PALM2AKAP2: variants seen among roughly 807,000 people sequenced by gnomAD.
PALM2AKAP2 encodes PALM2-AKAP2 fusion protein.
PALM2AKAP2 carries 37 observed loss-of-function variants against 71.5 expected under a neutral mutation model. The ratio of observed to expected loss-of-function variants is 0.52; its 90% CI spans 0.40 to 0.68. The LOEUF (loss-of-function observed/expected upper bound fraction) is 0.68. Among genes scored for constraint, PALM2AKAP2 ranks in the 30% least tolerant of loss-of-function variants. The probability of loss-of-function intolerance (pLI) is 0.00; values close to 1 mark genes in which losing one functional copy is unlikely to be tolerated. For missense variants in PALM2AKAP2, 1,224 were observed against 1,191.8 expected, an observed-to-expected ratio of 1.03 and a Z score of -0.40; for synonymous variants, 468 against 478.8, an observed-to-expected ratio of 0.98 and a Z score of 0.29.
intron 1 of PALM2AKAP2, among the ~76,000 whole-genome samples, chr9:109,690,158 G>A (rs542647675): frequency 6.6e-6 from 1 of 152,280 alleles, no homozygotes; most frequent in Admixed American, 6.5e-5. Flanking sequence ...ACCAGCCACT[G>A]CTCACCAGCA....
At chr9:109,643,639 C>G (rs899051278) in intron 1 of PALM2AKAP2, among the ~76,000 whole-genome samples, 2 of 152,188 alleles carry the variant, frequency 1.3e-5, no homozygotes, top group African/African-American at 4.8e-5. Context: ...AAATTACTGC[C>G]TCAATTAGCC....
intron 6 of PALM2AKAP2, among the ~76,000 whole-genome samples, chr9:109,934,483 C>T (rs535496934): frequency 6.6e-6 from 1 of 152,280 alleles, no homozygotes; most frequent in East Asian, 1.9e-4. Flanking sequence ...CCAGTCTCTC[C>T]AGCTGGTATT....
At chr9:109,865,156 TG>T (rs1233515929) in intron 1 of PALM2AKAP2, among the ~76,000 whole-genome samples, 3 of 135,500 alleles carry the variant, frequency 2.2e-5, no homozygotes, top group Admixed American at 8.4e-5. Flanking sequence ...TGGAGTGCAG[TG>T]GTGTGATCTT....
At chr9:109,708,314 T>TA (rs140982185) in intron 1 of PALM2AKAP2, among the ~76,000 whole-genome samples, 4,455 of 152,208 alleles carry the variant, frequency 0.029, 197 homozygotes, top group African/African-American at 0.1. Flanking sequence ...TGGCTCAACT[T>TA]ACTATAGACA....
intron 3 of PALM2AKAP2, among the ~76,000 whole-genome samples, chr9:109,888,840 G>A (rs751316694): frequency 1.3e-5 from 2 of 152,016 alleles, no homozygotes; most frequent in Non-Finnish European, 2.9e-5. Context: ...GTGAGTGGCT[G>A]TCTTGAGTAT....
At position 109,835,689 on chromosome 9, in the gene PALM2AKAP2, C is replaced by T. The variant is rs554326906; in HGVS notation, c.46-31802C>T. 2.2e-4 allele frequency among the ~76,000 whole-genome samples: 34 copies of T among 152,290 alleles called. 1 individual carries two copies. The highest frequency in any genetic ancestry group is 1.9e-4 in the East Asian group (1 of 5,166). Reference sequence around the variant, plus strand: ...TCGGGTCACTCCCACCCTAATACTACGCTTTTCCAATGGTCTTAGCAAAAG... The same window carrying T: ...TCGGGTCACTCCCACCCTAATACTATGCTTTTCCAATGGTCTTAGCAAAAG... On this transcript the variant is annotated intron_variant, in intron 1 of 9. Coordinates refer to the PALM2AKAP2 transcript ENST00000302798.
intron 2 of PALM2AKAP2, among the ~76,000 whole-genome samples, chr9:109,870,574 A>C (rs566877903): frequency 6.6e-6 from 1 of 152,346 alleles, no homozygotes; most frequent in African/African-American, 2.4e-5. Flanking sequence ...TCTGTCTTAC[A>C]GCTATGGGAA....
chr9:110,102,337 T>C (rs1289707646), intron 1 of PALM2AKAP2, among the ~76,000 whole-genome samples: 1 of 152,232 alleles, frequency 6.6e-6, no homozygotes, highest in African/African-American at 2.4e-5. Context: ...ATGTAATGTG[T>C]TCAGAAATAA....
chr9:110,065,894 TA>T (rs1187271399), intron 1 of PALM2AKAP2, among the ~76,000 whole-genome samples: 2 of 152,172 alleles, frequency 1.3e-5, no homozygotes, highest in Non-Finnish European at 2.9e-5. Flanking sequence ...TTCCTTCCTT[TA>T]AAAAAATTGA....
At chr9:110,075,103 T>C (rs1191230819) in intron 1 of PALM2AKAP2, among the ~76,000 whole-genome samples, 2 of 152,240 alleles carry the variant, frequency 1.3e-5, no homozygotes, top group Non-Finnish European at 2.9e-5. Context: ...TTGTTGTCAA[T>C]TGACAATCTT....
intron 2 of PALM2AKAP2, among the ~76,000 whole-genome samples, chr9:109,879,725 C>G (rs1460996912): frequency 7.0e-6 from 1 of 142,734 alleles, no homozygotes; most frequent in Non-Finnish European, 1.5e-5. Flanking sequence ...TTGACAGGGT[C>G]TCGTTCTATC....
At chr9:110,033,461 T>C (rs1042317711) in intron 7 of PALM2AKAP2, among the ~76,000 whole-genome samples, 10 of 152,234 alleles carry the variant, frequency 6.6e-5, no homozygotes, top group Admixed American at 2.0e-4. Flanking sequence ...GGCTAGGCAC[T>C]GTGTTAAACA....
chr9:109,785,527 G>A (rs1317004457), intron 1 of PALM2AKAP2, among the ~76,000 whole-genome samples: 2 of 152,168 alleles, frequency 1.3e-5, no homozygotes, highest in Admixed American at 6.5e-5. Context: ...AGGAAAAAGA[G>A]GTTTAATGGA....
chr9:109,757,083 G>A (rs532972208), intron 1 of PALM2AKAP2, among the ~76,000 whole-genome samples: 22 of 152,034 alleles, frequency 1.4e-4, no homozygotes, highest in Admixed American at 6.6e-4. Flanking sequence ...GTATGTTTGC[G>A]CCTATTCGCC....
intron 2 of PALM2AKAP2, among the ~76,000 whole-genome samples, chr9:110,152,273 T>A (rs757300203): frequency 7.2e-5 from 11 of 152,026 alleles, no homozygotes; most frequent in Non-Finnish European, 1.3e-4. Context: ...GAGTGTTCAG[T>A]GCAGGTGAGG....
In PALM2AKAP2 at chr9:110,135,171, A is replaced by AT. The variant is rs1491449568; in HGVS notation, c.157-956_157-955insT. 8.9e-4 allele frequency among the ~76,000 whole-genome samples: 53 copies of AT among 59,546 alleles called. 1 individual carries two copies. Among genetic ancestry groups the AT allele is most frequent in the African/African-American group, 2.6e-3 (49 of 18,692 alleles). 39.1% of individuals were successfully genotyped at this position (59,546 alleles called of 152,430 possible). A position where few individuals can be genotyped will look rare whatever the true frequency, so the allele number is the denominator to read the frequency against. On this transcript the variant is annotated intron_variant, in intron 1 of 3. Transcript: ENST00000374525. ...TCTCTACAAAAAAAAAAAAATATAT[A>AT]AATATATATATATATATAAATCAGC...
At chr9:110,087,588 T>A (rs1244122905) in intron 1 of PALM2AKAP2, among the ~76,000 whole-genome samples, 1 of 152,220 alleles carries the variant, frequency 6.6e-6, no homozygotes. Context: ...GTGAATGAGT[T>A]CTAGAACATG....
chr9:109,826,985 A>G (rs116065410), intron 1 of PALM2AKAP2, among the ~76,000 whole-genome samples: 1 of 152,180 alleles, frequency 6.6e-6, no homozygotes, highest in East Asian at 1.9e-4. Flanking sequence ...TAAGTGATGA[A>G]CAAGCCCATA....
chr9:109,646,064 G>T (rs1290014684), intron 1 of PALM2AKAP2, among the ~76,000 whole-genome samples: 2 of 152,152 alleles, frequency 1.3e-5, no homozygotes, highest in Non-Finnish European at 2.9e-5. Flanking sequence ...GGTACTAACT[G>T]ATTGAAGTTA....
Sources: gnomAD v4.1 joint callset for allele counts (sites outside exome capture counted in the v4.1 genomes callset) on GRCh38, gnomAD v4.1.1 for gene constraint, MANE v1.5 for transcripts, NCBI Gene and HGNC (gene_info 2026-07-23, HGNC 2026-07-21) for gene names.